Variants in SULF2 observed in about 807,000 individuals in gnomAD.
SULF2 encodes sulfatase 2.
A neutral mutation model predicts 107.7 loss-of-function variants in SULF2; 52 were observed. The observed-to-expected ratio is 0.48, with a 90% confidence interval of 0.39 to 0.61. The LOEUF (loss-of-function observed/expected upper bound fraction) is 0.61. Among genes scored for constraint, SULF2 ranks in the 20% least tolerant of loss-of-function variants. The pLI, the probability that SULF2 is intolerant of heterozygous loss-of-function variation, is 0.00. For synonymous variants in SULF2, 460 were observed against 464.3 expected (o/e 0.99, Z 0.12); for missense variants, 993 against 1,177.3 (o/e 0.84, Z 2.29).
chr20:47,663,526 G>A lies in SULF2; in HGVS notation c.2154C>T (p.Asp718=), dbSNP rs776023807. Residue 718 remains aspartate, a synonymous_variant, in exon 16 of 21, where the codon GAC becomes GAT. Coordinates refer to ENST00000688720, the MANE Select transcript of SULF2 (RefSeq NM_001387048.1). ...ACGTGAGGCCTGGCATGCTGCACGT[G>A]TCGTTGTTCTGCAGGCGCTTGAGCA... The part of the protein sequence containing the change: ...RKLLKRLQNN[D]TCSMPGLTCF... 15 of 1,612,824 alleles carry A rather than the reference G, an allele frequency of 9.3e-6. No individual in the cohort carries two copies. The South Asian group carries it at 1.5e-4, about 17-fold the overall frequency.
rs1425157547 is a variant in SULF2, at chr20:47,694,759, C to A, written c.568-4464G>T. The stretch of plus-strand genomic sequence containing the variant: ...CCTCGAGTGGGCACTCCGCACCGGG[C>A]TTCCCTCCAAGGCCAAGGCAGTGCG... On this transcript the variant is annotated intron_variant, in intron 4 of 20. Transcript: ENST00000688720. The surrounding 1 kb of genome is among the most constrained non-coding windows in gnomAD (Gnocchi z 4.4). 6.6e-6 allele frequency among the ~76,000 whole-genome samples: 1 copy of A among 152,208 alleles called. No homozygotes were observed. Among genetic ancestry groups the A allele is most frequent in the Non-Finnish European group, 1.5e-5 (1 of 68,040 alleles).
intron 2 of SULF2, among the ~76,000 whole-genome samples, chr20:47,753,484 A>G (rs903187381): frequency 1.3e-5 from 2 of 152,256 alleles, no homozygotes; most frequent in Admixed American, 1.3e-4. Flanking sequence ...ATTACAGTAG[A>G]GACACACTGG....
At chr20:47,747,018 T>C (rs13036314) in intron 2 of SULF2, among the ~76,000 whole-genome samples, 12,335 of 73,638 alleles carry the variant, frequency 0.17, 692 homozygotes, top group South Asian at 0.22. Flanking sequence ...TATATATATA[T>C]ACACACACAC....
rs1451410782 is a variant in SULF2 at position 47,736,670 on chromosome 20, TC to T, written c.415+32del. ...TAGGGACGCCCGCCCTGGCTGTCAC[TC>T]CCTTCCTGCACCTGCCCCCGTCCCT... On this transcript the variant is annotated intron_variant, in intron 3 of 20. Coordinates refer to ENST00000688720, the MANE Select transcript of SULF2 (RefSeq NM_001387048.1). 3 of 1,612,762 alleles carry T rather than the reference TC, an allele frequency of 1.9e-6. No individual in the cohort carries two copies. In the African/African-American group the frequency reaches 4.0e-5, roughly 22 times the overall value.
At chr20:47,767,345 A>C (rs942243751) in intron 1 of SULF2, among the ~76,000 whole-genome samples, 1 of 152,050 alleles carries the variant, frequency 6.6e-6, no homozygotes, top group Non-Finnish European at 1.5e-5. Context: ...ACAGCTCCCA[A>C]TTTTCTTGGG....
intron 1 of SULF2, among the ~76,000 whole-genome samples, chr20:47,769,574 G>A (rs908504791): frequency 3.3e-5 from 5 of 152,070 alleles, no homozygotes; most frequent in South Asian, 2.1e-4. Context: ...GTTGCCTGAC[G>A]CCACGGCCCC....
At chr20:47,742,796 C>A (rs2089915744) in intron 2 of SULF2, among the ~76,000 whole-genome samples, 1 of 152,098 alleles carries the variant, frequency 6.6e-6, no homozygotes, top group Non-Finnish European at 1.5e-5. Flanking sequence ...TGCTGACCTG[C>A]CACAGATGAC....
intron 18 of SULF2, among the ~76,000 whole-genome samples, chr20:47,660,791 A>G (rs948106973): frequency 6.6e-6 from 1 of 151,948 alleles, no homozygotes; most frequent in African/African-American, 2.4e-5. Flanking sequence ...TCATCTTAAA[A>G]TATCTATCTG....
At chr20:47,706,440 G>A (rs1226777101) in intron 3 of SULF2, 1 of 152,170 alleles carries the variant, frequency 6.6e-6, no homozygotes, top group Non-Finnish European at 1.5e-5. Flanking sequence ...AAGGGTCTCT[G>A]TGACAACTGC....
At chr20:47,720,876 G>A (rs1378576601) in intron 3 of SULF2, among the ~76,000 whole-genome samples, 1 of 152,178 alleles carries the variant, frequency 6.6e-6, no homozygotes, top group Non-Finnish European at 1.5e-5. Context: ...GGAGCTGGAG[G>A]TTCCTGAGGA....
chr20:47,758,535 G>A (rs141901689), intron 1 of SULF2, among the ~76,000 whole-genome samples: 3 of 152,164 alleles, frequency 2.0e-5, no homozygotes. Flanking sequence ...AAAAGGTGGA[G>A]GGGGAAGACC....
intron 3 of SULF2, among the ~76,000 whole-genome samples, chr20:47,734,790 CA>C (rs2089691072): frequency 6.6e-6 from 1 of 152,192 alleles, no homozygotes; most frequent in African/African-American, 2.4e-5. Flanking sequence ...TGGCTCTTTA[CA>C]CTTGACATTA....
At chr20:47,775,041 T>C (rs544520981) in intron 1 of SULF2, among the ~76,000 whole-genome samples, 3 of 152,256 alleles carry the variant, frequency 2.0e-5, no homozygotes, top group African/African-American at 7.2e-5. Flanking sequence ...AGGTAGTAAG[T>C]GTTGGGCTCT....
At chr20:47,689,383 C>T (rs2088121884) in intron 5 of SULF2, among the ~76,000 whole-genome samples, 1 of 152,196 alleles carries the variant, frequency 6.6e-6, no homozygotes, top group African/African-American at 2.4e-5. Context: ...TCTCTCTGAT[C>T]ATTTGCTCTG....
At chr20:47,675,727 C>T (rs985138823) in intron 10 of SULF2, among the ~76,000 whole-genome samples, 3 of 152,030 alleles carry the variant, frequency 2.0e-5, no homozygotes, top group Non-Finnish European at 4.4e-5. Context: ...GAGTTTCCAT[C>T]CCACTCCCCT....
intron 2 of SULF2, among the ~76,000 whole-genome samples, chr20:47,755,372 T>G (rs1313760580): frequency 2.0e-5 from 3 of 152,244 alleles, no homozygotes; most frequent in Non-Finnish European, 4.4e-5. Flanking sequence ...CTGCATACAC[T>G]GTTGGTTTTA....
At chr20:47,768,194 G>A (rs1024284989) in intron 1 of SULF2, among the ~76,000 whole-genome samples, 3 of 152,216 alleles carry the variant, frequency 2.0e-5, no homozygotes, top group African/African-American at 7.2e-5. Flanking sequence ...CTTGAGTGGG[G>A]TCGGGAATGA....
intron 2 of SULF2, among the ~76,000 whole-genome samples, chr20:47,756,847 C>T (rs1162341506): frequency 5.3e-5 from 8 of 152,064 alleles, no homozygotes; most frequent in African/African-American, 1.7e-4. Flanking sequence ...GGTTTCACCA[C>T]GTTGGCCAGG....
At chr20:47,737,091 G>A (rs3810527) in intron 2 of SULF2, 149 bp from the exon 3 acceptor site, 35,128 of 1,184,136 alleles carry the variant, frequency 0.03, 780 homozygotes, top group Middle Eastern at 0.085. Flanking sequence ...ACTGCTGCAC[G>A]GTGGGACTGT....
Sources: gnomAD v4.1 joint callset for allele counts (sites outside exome capture counted in the v4.1 genomes callset) on GRCh38, gnomAD v4.1.1 for gene constraint, Gnocchi (gnomAD v3.1) non-coding constraint, MANE v1.5 for transcripts, NCBI Gene and HGNC (gene_info 2026-07-23, HGNC 2026-07-21) for gene names.